IL6ST: variants seen among roughly 807,000 people sequenced by gnomAD.
IL6ST encodes interleukin 6 cytokine family signal transducer, also known as interleukin-6 receptor subunit beta.
Under a neutral mutation model 91.3 loss-of-function variants are expected in IL6ST, and 24 were observed. That is an observed-to-expected ratio of 0.26 (90% CI 0.19 to 0.37). The LOEUF (loss-of-function observed/expected upper bound fraction) is 0.37. IL6ST is among the 10% of genes least tolerant of loss of function. IL6ST has a pLI of 1.00. For missense variants in IL6ST, 914 were observed against 1,078.5 expected (o/e 0.85, Z 2.14); for synonymous variants, 351 against 373.6 (o/e 0.94, Z 0.70).
intron 2 of IL6ST, chr5:55,978,262 G>GGCT (rs1221653377): frequency 6.6e-6 from 1 of 152,174 alleles, no homozygotes; most frequent in African/African-American, 2.4e-5. Flanking sequence ...CACCTGAACA[G>GGCT]GCTGCTTCAC....
In IL6ST at chr5:55,960,422, C is replaced by A. The variant is rs766182569; in HGVS notation, c.953G>T (p.Ser318Ile). The A allele has an allele frequency of 1.2e-6, 2 of 1,613,598 alleles. No individual in the cohort carries two copies. Among genetic ancestry groups the A allele is most frequent in the Non-Finnish European group, 1.7e-6 (2 of 1,179,754 alleles). ...GYWSDWSEEASGITYEDRPSK... is the reference protein window; with the variant it reads ...GYWSDWSEEAIGITYEDRPSK... Reference sequence around the variant, plus strand: ...CTTACTATCTTCATAGGTGATCCCACTTGCTTCTTCACTCCAGTCACTCCA... The same window carrying A: ...CTTACTATCTTCATAGGTGATCCCAATTGCTTCTTCACTCCAGTCACTCCA... Residue 318 changes from serine to isoleucine, a missense_variant, in exon 8 of 17, where the codon AGT becomes ATT. Transcript: ENST00000381298.
At chr5:55,989,994 CA>C (rs917211804) in intron 1 of IL6ST, among the ~76,000 whole-genome samples, 1 of 151,772 alleles carries the variant, frequency 6.6e-6, no homozygotes, top group Admixed American at 6.6e-5. Context: ...ACAGAACATC[CA>C]AACAAAAAAA....
chr5:55,990,933 CCT>C (rs1192323230), intron 1 of IL6ST, among the ~76,000 whole-genome samples: 1 of 149,258 alleles, frequency 6.7e-6, no homozygotes, highest in Non-Finnish European at 1.5e-5. Context: ...TGTTCTCCAC[CCT>C]GTGTCCAAGC....
At chr5:55,993,654 C>T (rs757368425) in intron 1 of IL6ST, among the ~76,000 whole-genome samples, 8 of 152,084 alleles carry the variant, frequency 5.3e-5, no homozygotes, top group Non-Finnish European at 1.2e-4. Context: ...TAATTTTTTT[C>T]TTTCACTCAA....
At position 55,951,778 on chromosome 5, in the gene IL6ST, A is replaced by G. The variant is rs1003296738; in HGVS notation, c.1699+151T>C. ...TAAAGCACAACACAATACTTTTTCA[A>G]TAAATCCATGAAAGTAACCATAAGG... On this transcript the variant is annotated intron_variant, in intron 13 of 16. Transcript: ENST00000381298. The G allele has an allele frequency of 7.7e-6, 6 of 782,596 alleles. No individual in the cohort carries two copies. The Admixed American group carries it at 1.8e-4, about 24-fold the overall frequency. The allele number at this position is 782,596 out of a possible 1,614,324, so 48.5% of individuals were successfully genotyped here. A position where few individuals can be genotyped will look rare whatever the true frequency, so the allele number is the denominator to read the frequency against.
chr5:55,944,014 G>A (rs997803749), intron 15 of IL6ST, among the ~76,000 whole-genome samples: 2 of 152,136 alleles, frequency 1.3e-5, no homozygotes, highest in Middle Eastern at 3.2e-3. Flanking sequence ...GAAGGTGGGG[G>A]TTGCAGTGAG....
chr5:55,937,677 A>C lies in IL6ST; in HGVS notation c.*3405T>G, dbSNP rs1298323017. The C allele has an allele frequency of 1.5e-5, 3 of 194,640 alleles. No individual in the cohort carries two copies. Among genetic ancestry groups the C allele is most frequent in the African/African-American group, 2.4e-5 (1 of 42,544 alleles). 12.1% of individuals were successfully genotyped at this position (194,640 alleles called of 1,614,324 possible). ...GAAAAGTACAAATTTTTTAGAAAGT[A>C]ATCTTATCAGCACAATATAATCTAA... On this transcript the variant is annotated 3_prime_UTR_variant, in exon 17 of 17. Transcript: ENST00000381298.
intron 3 of IL6ST, among the ~76,000 whole-genome samples, chr5:55,973,381 G>C (rs559651018): frequency 6.6e-6 from 1 of 152,302 alleles, no homozygotes; most frequent in Non-Finnish European, 1.5e-5. Context: ...AATGGAGTGT[G>C]CTATGAGACT....
chr5:55,975,319 C>G (rs1475598415), intron 3 of IL6ST, among the ~76,000 whole-genome samples: 3 of 152,142 alleles, frequency 2.0e-5, no homozygotes, highest in Admixed American at 6.6e-5. Flanking sequence ...AGCACCTTCC[C>G]TTTCTCTCTC....
At chr5:55,946,494 T>C (rs1201234495) in intron 15 of IL6ST, among the ~76,000 whole-genome samples, 2 of 152,196 alleles carry the variant, frequency 1.3e-5, no homozygotes, top group Non-Finnish European at 2.9e-5. Context: ...GATATATCCA[T>C]ACTACAGAAT....
In IL6ST at chr5:55,938,087, G is replaced by A; in HGVS notation, c.*2995C>T. The stretch of plus-strand genomic sequence containing the variant: ...ACTAGATGCTCTACTTTAAATATGA[G>A]CTTTAATGAATGTTTTGTAACATTT... On this transcript the variant is annotated 3_prime_UTR_variant, in exon 17 of 17. Transcript: ENST00000381298. 1 of 189,686 alleles carries A rather than the reference G, an allele frequency of 5.3e-6. No individual in the cohort carries two copies. Among genetic ancestry groups the A allele is most frequent in the South Asian group, 1.9e-4 (1 of 5,148 alleles). The allele number at this position is 189,686 out of a possible 1,614,324, so 11.8% of individuals were successfully genotyped here. A position where few individuals can be genotyped will look rare whatever the true frequency, so the allele number is the denominator to read the frequency against.
intron 4 of IL6ST, 140 bp from the exon 5 acceptor site, chr5:55,968,536 G>T: frequency 1.5e-6 from 1 of 685,570 alleles, no homozygotes; most frequent in Non-Finnish European, 2.4e-6. Flanking sequence ...ACAATGAAAG[G>T]CTGATGACAA....
chr5:55,971,719 G>A (rs756186622), intron 3 of IL6ST, among the ~76,000 whole-genome samples: 3 of 152,160 alleles, frequency 2.0e-5, no homozygotes, highest in Non-Finnish European at 2.9e-5. Context: ...CTACTTGGGG[G>A]TGAGGGTCGT....
In IL6ST at chr5:55,941,577, C is replaced by A; in HGVS notation, c.2262G>T (p.Ser754=). The A allele has an allele frequency of 6.2e-7, 1 of 1,614,108 alleles. No individual in the cohort carries two copies. Among genetic ancestry groups the A allele is most frequent in the Non-Finnish European group, 8.5e-7 (1 of 1,179,996 alleles). The change falls in exon 17 of 17, where the codon TCG becomes TCT. Residue 754 remains serine, a synonymous_variant. Transcript: ENST00000381298. ...SDENESSQNT[S]STVQYSTVVH... The stretch of plus-strand genomic sequence containing the variant: ...CCACGGTAGAATACTGGACAGTGCT[C>A]GAAGTGTTTTGTGAAGATTCATTTT...
intron 1 of IL6ST, among the ~76,000 whole-genome samples, chr5:55,987,024 C>T (rs1328989546): frequency 6.6e-6 from 1 of 152,102 alleles, no homozygotes; most frequent in African/African-American, 2.4e-5. Context: ...AGTTAGACAG[C>T]TGTGGTGGTG....
chr5:55,982,562 T>C (rs573399344), intron 2 of IL6ST, among the ~76,000 whole-genome samples, 162 bp downstream of exon 2: 1 of 152,284 alleles, frequency 6.6e-6, no homozygotes, highest in African/African-American at 2.4e-5. Flanking sequence ...TCATAACAAT[T>C]AACACTAGGA....
chr5:55,959,988 C>A (rs968727240), intron 8 of IL6ST, among the ~76,000 whole-genome samples: 3 of 151,886 alleles, frequency 2.0e-5, no homozygotes, highest in Non-Finnish European at 4.4e-5. Flanking sequence ...TGGGTTCAAG[C>A]GATTCTCCTG....
intron 8 of IL6ST, among the ~76,000 whole-genome samples, chr5:55,959,947 G>A (rs188322754): frequency 7.3e-5 from 11 of 151,052 alleles, no homozygotes; most frequent in African/African-American, 2.2e-4. Context: ...GTGCAGTGGC[G>A]TGACCTTGGC....
At position 55,976,247 on chromosome 5, in the gene IL6ST, G is replaced by C. The variant is rs778516584; in HGVS notation, c.32C>G (p.Ala11Gly). 68 of 1,588,910 alleles carry C rather than the reference G, an allele frequency of 4.3e-5. No individual in the cohort carries two copies. The highest frequency in any genetic ancestry group is 7.0e-5 in the Admixed American group (4 of 57,246). The change falls in exon 3 of 17, where the codon GCC becomes GGC. Residue 11 changes from alanine (A) to glycine (G), a missense_variant. Ala to Gly is a moderately conservative substitution (Grantham distance 60, BLOSUM62 0). Transcript: ENST00000381298. ...TTCAGTGGTGAGGAAAATAAACAAGGCTTGCACTAGCCAAGTCTGCAACGT... is the reference window on the plus strand; with the variant it reads ...TTCAGTGGTGAGGAAAATAAACAAGCCTTGCACTAGCCAAGTCTGCAACGT... Reference protein sequence around the residue: MLTLQTWLVQALFIFLTTEST... With the variant: MLTLQTWLVQGLFIFLTTEST...
Sources: allele counts gnomAD v4.1 joint callset (sites outside exome capture counted in the v4.1 genomes callset), GRCh38; gene constraint gnomAD v4.1.1; transcripts MANE v1.5; gene names NCBI Gene and HGNC (gene_info 2026-07-23, HGNC 2026-07-21).